Variants in PAK5 observed in about 807,000 individuals in gnomAD.
PAK5 encodes the protein serine/threonine-protein kinase PAK 5.
A neutral mutation model predicts 65.9 loss-of-function variants in PAK5; 16 were observed. The ratio of observed to expected loss-of-function variants is 0.24; its 90% CI spans 0.16 to 0.37. The LOEUF (loss-of-function observed/expected upper bound fraction) is 0.37, where lower values mean the gene tolerates loss of function less well. Ranked by LOEUF, PAK5 falls within the 10% of genes least tolerant of loss-of-function variation. The pLI, the probability that PAK5 is intolerant of heterozygous loss-of-function variation, is 1.00. For synonymous variants in PAK5, 371 were observed against 354.9 expected, an observed-to-expected ratio of 1.05 and a Z score of -0.51; for missense variants, 785 against 903.9, an observed-to-expected ratio of 0.87 and a Z score of 1.69.
At chr20:9,780,113 T>C (rs1248132234) in intron 1 of PAK5, among the ~76,000 whole-genome samples, 1 of 152,124 alleles carries the variant, frequency 6.6e-6, no homozygotes, top group South Asian at 2.1e-4. Flanking sequence ...AAAATAACTT[T>C]TCTAGATTTG....
At chr20:9,660,059 T>C (rs1175019973) in intron 2 of PAK5, among the ~76,000 whole-genome samples, 1 of 152,098 alleles carries the variant, frequency 6.6e-6, no homozygotes, top group Admixed American at 6.5e-5. Context: ...CCTCTGACTG[T>C]CACTCCCTTC....
At chr20:9,679,236 T>C (rs2423417) in intron 2 of PAK5, among the ~76,000 whole-genome samples, 51,050 of 152,112 alleles carry the variant, frequency 0.34, 11,049 homozygotes, top group African/African-American at 0.61. Context: ...ATATAATACA[T>C]ACACCATACA....
chr20:9,744,549 C>T (rs2048485441), intron 1 of PAK5, among the ~76,000 whole-genome samples: 1 of 152,134 alleles, frequency 6.6e-6, no homozygotes, highest in Admixed American at 6.6e-5. Flanking sequence ...AAAGTAAGAG[C>T]TTGGAATAAA....
At chr20:9,768,652 G>A (rs1380302039) in intron 1 of PAK5, among the ~76,000 whole-genome samples, 7 of 151,612 alleles carry the variant, frequency 4.6e-5, no homozygotes, top group Admixed American at 2.0e-4. Flanking sequence ...GTATGGTGGC[G>A]CGCGGCTGTA....
At chr20:9,733,668 C>A (rs2048358166) in intron 1 of PAK5, among the ~76,000 whole-genome samples, 2 of 152,128 alleles carry the variant, frequency 1.3e-5, no homozygotes, top group South Asian at 4.1e-4. Context: ...TGGTCTTGAA[C>A]TCCCGACCTC....
At chr20:9,687,671 C>T (rs2047737669) in intron 2 of PAK5, among the ~76,000 whole-genome samples, 3 of 151,936 alleles carry the variant, frequency 2.0e-5, no homozygotes. Context: ...CGGCCAAACA[C>T]TTTTTTTTGA....
At chr20:9,834,607 T>A (rs1027920588) in intron 1 of PAK5, among the ~76,000 whole-genome samples, 3 of 152,268 alleles carry the variant, frequency 2.0e-5, no homozygotes, top group Admixed American at 2.0e-4. Context: ...CATTTCCTAT[T>A]TCAACAGATC....
chr20:9,720,932 T>C (rs926291609), intron 1 of PAK5, among the ~76,000 whole-genome samples: 1 of 152,102 alleles, frequency 6.6e-6, no homozygotes, highest in Non-Finnish European at 1.5e-5. Context: ...GATTTGTGGT[T>C]ACCAGAGACT....
At chr20:9,835,357 G>C (rs1979065414) in intron 1 of PAK5, among the ~76,000 whole-genome samples, 1 of 152,168 alleles carries the variant, frequency 6.6e-6, no homozygotes, top group Non-Finnish European at 1.5e-5. Flanking sequence ...GAAGCCCAAG[G>C]GATGAGTATG....
intron 3 of PAK5, among the ~76,000 whole-genome samples, chr20:9,604,097 T>C (rs1043910254): frequency 1.3e-5 from 2 of 152,190 alleles, no homozygotes; most frequent in Non-Finnish European, 2.9e-5. Flanking sequence ...AGAATAACCC[T>C]GTATGGCAGA....
chr20:9,589,942 G>T (rs1263878663), intron 3 of PAK5, among the ~76,000 whole-genome samples: 1 of 152,148 alleles, frequency 6.6e-6, no homozygotes, highest in Non-Finnish European at 1.5e-5. Flanking sequence ...TCTATTCTAA[G>T]ACTTAAAAAC....
At chr20:9,581,019 A>G (rs527842267) in intron 3 of PAK5, 89 bp from the exon 4 acceptor site, 1 of 976,798 alleles carries the variant, frequency 1.0e-6, no homozygotes, top group South Asian at 1.6e-5. Context: ...CATCCAAATT[A>G]AACTACAGAA....
chr20:9,556,326 A>G (rs920034670), intron 7 of PAK5, among the ~76,000 whole-genome samples: 3 of 152,230 alleles, frequency 2.0e-5, no homozygotes, highest in African/African-American at 7.2e-5. Context: ...CTTATCCTCT[A>G]TACTTTTCTG....
intron 3 of PAK5, among the ~76,000 whole-genome samples, chr20:9,594,973 G>A (rs967549555): frequency 6.6e-6 from 1 of 151,796 alleles, no homozygotes; most frequent in Non-Finnish European, 1.5e-5. Context: ...ATTACGGAGA[G>A]AATTTACTGA....
intron 1 of PAK5, among the ~76,000 whole-genome samples, chr20:9,780,308 A>T (rs1226720123): frequency 6.6e-6 from 1 of 152,104 alleles, no homozygotes; most frequent in East Asian, 1.9e-4. Context: ...TGCAATTTGG[A>T]AAGTTAGGCC....
chr20:9,648,229 G>A (rs962600524), intron 2 of PAK5, among the ~76,000 whole-genome samples: 1 of 152,154 alleles, frequency 6.6e-6, no homozygotes, highest in Non-Finnish European at 1.5e-5. Context: ...GGGAAAAGGT[G>A]CATGGGGCCA....
At chr20:9,718,614 T>C (rs2048178294) in intron 1 of PAK5, among the ~76,000 whole-genome samples, 1 of 152,146 alleles carries the variant, frequency 6.6e-6, no homozygotes, top group African/African-American at 2.4e-5. Flanking sequence ...GATTAAAACC[T>C]TCCAACAACT....
chr20:9,671,545 G>T (rs6077579), intron 2 of PAK5, among the ~76,000 whole-genome samples: 1 of 151,728 alleles, frequency 6.6e-6, no homozygotes, highest in African/African-American at 2.4e-5. Context: ...AATTGTGAAT[G>T]GGAGTTCACT....
chr20:9,602,011 A>G (rs988286706), intron 3 of PAK5, among the ~76,000 whole-genome samples: 3 of 152,170 alleles, frequency 2.0e-5, no homozygotes, highest in African/African-American at 7.2e-5. Context: ...GTTGACTAAT[A>G]CACTGGTGAA....
Sources: gnomAD v4.1 joint callset for allele counts (sites outside exome capture counted in the v4.1 genomes callset) on GRCh38, gnomAD v4.1.1 for gene constraint, MANE v1.5 for transcripts, NCBI Gene and HGNC (gene_info 2026-07-23, HGNC 2026-07-21) for gene names.